The following TDRD1 variants were observed in gnomAD, a reference collection of about 807,000 sequenced individuals.
TDRD1 encodes tudor domain-containing protein 1.
A neutral mutation model predicts 140.6 loss-of-function variants in TDRD1; 37 were observed. The ratio of observed to expected loss-of-function variants is 0.26; its 90% CI spans 0.20 to 0.35. TDRD1 has a LOEUF of 0.35. TDRD1 is among the 10% of genes least tolerant of loss of function. The pLI is 1.00. For synonymous variants in TDRD1, 506 were observed against 475.7 expected, an observed-to-expected ratio of 1.06 and a Z score of -0.83; for missense variants, 1,243 against 1,393.0, an observed-to-expected ratio of 0.89 and a Z score of 1.71.
chr10:114,227,582 C>A (rs1246109252), intron 23 of TDRD1, among the ~76,000 whole-genome samples: 1 of 152,142 alleles, frequency 6.6e-6, no homozygotes, highest in Non-Finnish European at 1.5e-5. Context: ...CTTCTTATTT[C>A]CAATTTACTT....
At chr10:114,216,082 A>G (rs1214435822) in intron 16 of TDRD1, among the ~76,000 whole-genome samples, 1 of 152,238 alleles carries the variant, frequency 6.6e-6, no homozygotes, top group Non-Finnish European at 1.5e-5. Flanking sequence ...AGTCACAAAG[A>G]TGGTACATAG....
intron 1 of TDRD1, among the ~76,000 whole-genome samples, chr10:114,184,585 T>A (rs1364226673): frequency 6.6e-6 from 1 of 152,238 alleles, no homozygotes; most frequent in African/African-American, 2.4e-5. Context: ...CTGTGGCCAG[T>A]AGTGTCGCTA....
chr10:114,231,582 G>A (rs1285301748), exon 26 of TDRD1: 2 of 1,347,134 alleles, frequency 1.5e-6, no homozygotes, highest in Non-Finnish European at 2.0e-6. Flanking sequence ...TTATTTATGA[G>A]AACCTTTTCT....
intron 16 of TDRD1, among the ~76,000 whole-genome samples, chr10:114,217,291 A>G (rs2035871348): frequency 6.6e-6 from 1 of 152,150 alleles, no homozygotes; most frequent in African/African-American, 2.4e-5. Context: ...GCTTTAGTGT[A>G]CTGATAATCA....
chr10:114,186,182 T>C (rs765398730), intron 1 of TDRD1, among the ~76,000 whole-genome samples: 3 of 149,050 alleles, frequency 2.0e-5, no homozygotes, highest in Non-Finnish European at 4.4e-5. Context: ...GTTACTCTAA[T>C]ATTTTAATGC....
chr10:114,190,785 G>C (rs1467247197), intron 2 of TDRD1, among the ~76,000 whole-genome samples, 176 bp from the exon 3 acceptor site: 1 of 152,230 alleles, frequency 6.6e-6, no homozygotes, highest in East Asian at 1.9e-4. Flanking sequence ...ACTGTGCCCA[G>C]CTAAGTCCTT....
chr10:114,225,311 C>T (rs2036370903), intron 21 of TDRD1, among the ~76,000 whole-genome samples: 1 of 152,196 alleles, frequency 6.6e-6, no homozygotes, highest in Non-Finnish European at 1.5e-5. Context: ...GCAAGTAACT[C>T]TGCTTCCTTG....
intron 1 of TDRD1, among the ~76,000 whole-genome samples, chr10:114,187,030 G>A (rs1052282929): frequency 5.9e-5 from 9 of 152,116 alleles, no homozygotes; most frequent in Non-Finnish European, 8.8e-5. Flanking sequence ...AGAGGTGTTC[G>A]TCCCTTTTAA....
chr10:114,224,212 G>T (rs995827856), intron 21 of TDRD1, among the ~76,000 whole-genome samples: 1 of 152,226 alleles, frequency 6.6e-6, no homozygotes, highest in African/African-American at 2.4e-5. Flanking sequence ...ATTCTAGATT[G>T]GAAATGGTTT....
At position 114,210,849 on chromosome 10, in the gene TDRD1, T is replaced by C. The variant is rs773915252; in HGVS notation, c.1553-11T>C. 2.0e-5 allele frequency: 32 copies of C among 1,613,846 alleles called. 1 individual carries two copies. The South Asian group carries it at 3.0e-4, about 15-fold the overall frequency. Reference sequence around the variant, plus strand: ...ATACGTATTTCTTTAAGATGTGATCTTTATCTGCAGGAAAGCTTGCTGAAC... The same window carrying C: ...ATACGTATTTCTTTAAGATGTGATCCTTATCTGCAGGAAAGCTTGCTGAAC... On this transcript the variant is annotated splice_polypyrimidine_tract_variant and intron_variant, in intron 12 of 25. Transcript: ENST00000251864.
chr10:114,203,358 A>G (rs2034888136), intron 7 of TDRD1, 30 bp from the exon 8 acceptor site: 2 of 1,555,000 alleles, frequency 1.3e-6, no homozygotes, highest in African/African-American at 1.4e-5. Context: ...TGCCTTATGA[A>G]TTATTCCTCT....
chr10:114,223,980 C>T (rs943069063), intron 21 of TDRD1, among the ~76,000 whole-genome samples: 2 of 152,158 alleles, frequency 1.3e-5, no homozygotes, highest in Non-Finnish European at 2.9e-5. Flanking sequence ...GTTTCCTGGA[C>T]GGCACTTCTG....
At chr10:114,175,062 T>G (rs2032661793), upstream of TDRD1, among the ~76,000 whole-genome samples, 1 of 152,254 alleles carries the variant, frequency 6.6e-6, no homozygotes, top group Admixed American at 6.5e-5. Flanking sequence ...GTTAAGCGTC[T>G]TCGATACTGT....
intron 25 of TDRD1, chr10:114,228,702 C>T: frequency 1.0e-6 from 1 of 984,982 alleles, no homozygotes; most frequent in Non-Finnish European, 1.2e-6. Flanking sequence ...AGTGTTCCTC[C>T]CCACCCCACC....
chr10:114,176,703 G>A (rs995022445), upstream of TDRD1, among the ~76,000 whole-genome samples: 2 of 152,244 alleles, frequency 1.3e-5, no homozygotes, highest in Non-Finnish European at 2.9e-5. The surrounding 1 kb of genome is among the most constrained non-coding windows in gnomAD (Gnocchi z 4.2). Context: ...GAGTCCAGCA[G>A]TTCAGGACTG....
chr10:114,202,563 G>A (rs902324838), intron 6 of TDRD1, among the ~76,000 whole-genome samples: 2 of 152,096 alleles, frequency 1.3e-5, no homozygotes, highest in African/African-American at 2.4e-5. Flanking sequence ...TTTATGTGCT[G>A]TACTCTAATA....
At chr10:114,200,260 T>C (rs2034640281) in intron 4 of TDRD1, among the ~76,000 whole-genome samples, 1 of 152,240 alleles carries the variant, frequency 6.6e-6, no homozygotes, top group South Asian at 2.1e-4. Flanking sequence ...TCAATGATCT[T>C]GAGCAGTTTT....
intron 1 of TDRD1, among the ~76,000 whole-genome samples, chr10:114,184,281 G>C (rs1442238879): frequency 6.6e-6 from 1 of 151,030 alleles, no homozygotes; most frequent in East Asian, 1.9e-4. Flanking sequence ...TTATTTTACT[G>C]TATTGATTGG....
chr10:114,205,793 A>AC (rs2133006524), intron 10 of TDRD1, among the ~76,000 whole-genome samples: 1 of 152,298 alleles, frequency 6.6e-6, no homozygotes, highest in African/African-American at 2.4e-5. Flanking sequence ...ACTGAATAAG[A>AC]CCTACTATTC....
Sources: gnomAD v4.1 joint callset for allele counts (sites outside exome capture counted in the v4.1 genomes callset) on GRCh38, gnomAD v4.1.1 for gene constraint, Gnocchi (gnomAD v3.1) non-coding constraint, MANE v1.5 for transcripts, NCBI Gene and HGNC (gene_info 2026-07-23, HGNC 2026-07-21) for gene names.